CEP83: variants seen among roughly 807,000 people sequenced by gnomAD.
CEP83 encodes the protein centrosomal protein of 83 kDa.
In CEP83, 70 loss-of-function variants were observed where a neutral mutation model predicts 101.9. The observed-to-expected ratio is 0.69, with a 90% CI of 0.57 to 0.84. The LOEUF is 0.84. Among genes scored for constraint, CEP83 ranks in the 40% least tolerant of loss-of-function variants. The pLI is 0.00. For synonymous variants in CEP83, 264 were observed against 267.9 expected, an observed-to-expected ratio of 0.99 and a Z score of 0.14; for missense variants, 715 against 787.2, an observed-to-expected ratio of 0.91 and a Z score of 1.10.
At chr12:94,360,741 G>GAA (rs1052281119) in intron 11 of CEP83, among the ~76,000 whole-genome samples, 1 of 148,542 alleles carries the variant, frequency 6.7e-6, no homozygotes, top group Non-Finnish European at 1.5e-5. Flanking sequence ...CACAGAAATT[G>GAA]AAAAAAAAAA....
At chr12:94,317,471 A>G (rs955521697) in intron 14 of CEP83, among the ~76,000 whole-genome samples, 3 of 152,102 alleles carry the variant, frequency 2.0e-5, no homozygotes, top group African/African-American at 7.2e-5. Flanking sequence ...TGGCATCTTC[A>G]TCATGAAATC....
chr12:94,367,047 A>T (rs1593454248), intron 11 of CEP83, among the ~76,000 whole-genome samples: 2 of 152,178 alleles, frequency 1.3e-5, no homozygotes, highest in Non-Finnish European at 2.9e-5. Context: ...TACTTTCAGG[A>T]GAATTCCAAC....
intron 10 of CEP83, 24 bp from the exon 11 acceptor site, chr12:94,367,967 G>C (rs371664457): frequency 1.2e-6 from 2 of 1,608,136 alleles, no homozygotes; most frequent in African/African-American, 2.7e-5. Flanking sequence ...TCATAATTAT[G>C]TTACAAGAAC....
intron 11 of CEP83, among the ~76,000 whole-genome samples, chr12:94,336,348 G>A (rs2059447039): frequency 1.3e-5 from 2 of 152,158 alleles, no homozygotes; most frequent in Admixed American, 1.3e-4. Flanking sequence ...GGTTTGGCAG[G>A]ATAGGCCCTT....
chr12:94,421,257 C>T (rs1024734423), intron 2 of CEP83, among the ~76,000 whole-genome samples: 1 of 151,972 alleles, frequency 6.6e-6, no homozygotes, highest in Non-Finnish European at 1.5e-5. Flanking sequence ...CAAGGTCCCA[C>T]TATGTTGCCC....
chr12:94,343,551 G>A (rs1441050913), intron 11 of CEP83, among the ~76,000 whole-genome samples: 10 of 133,428 alleles, frequency 7.5e-5, no homozygotes, highest in South Asian at 2.5e-4. Flanking sequence ...CTGCAGTGGC[G>A]CAATCTCGGC....
chr12:94,304,599 C>A (rs910905320), downstream of CEP83, among the ~76,000 whole-genome samples: 4 of 152,096 alleles, frequency 2.6e-5, no homozygotes, highest in African/African-American at 7.2e-5. Flanking sequence ...CTGATTCCCC[C>A]CCAATCATGC....
At position 94,322,546 on chromosome 12, in the gene CEP83, C is replaced by G. The variant is rs116963565; in HGVS notation, c.1707+9154G>C. Among the ~76,000 whole-genome samples, 119 of 152,260 alleles carry G rather than the reference C, an allele frequency of 7.8e-4. 1 individual carries two copies. The East Asian group carries it at 0.022, about 28-fold the overall frequency. ...AGGCTGCAAAACAGCAAAGCTGGCA[C>G]CCTGCCCCTCTCTCTGGGAGAGCCA... On this transcript the variant is annotated intron_variant, in intron 14 of 16. Transcript: ENST00000397809.
At chr12:94,328,008 CAGTGTAT>C (rs1244155694) in intron 14 of CEP83, among the ~76,000 whole-genome samples, 1 of 152,184 alleles carries the variant, frequency 6.6e-6, no homozygotes, top group African/African-American at 2.4e-5. Context: ...TATTTCTCCC[CAGTGTAT>C]AGTGTAATCT....
At chr12:94,319,255 T>C (rs1444146939) in intron 14 of CEP83, among the ~76,000 whole-genome samples, 2 of 152,194 alleles carry the variant, frequency 1.3e-5, no homozygotes, top group Non-Finnish European at 2.9e-5. Flanking sequence ...AGTGGTAACA[T>C]CCCCTCTGTC....
At chr12:94,278,632 C>T in the CEP83 span, among the ~76,000 whole-genome samples, 1 of 152,250 alleles carries the variant, frequency 6.6e-6, no homozygotes, top group East Asian at 1.9e-4. Flanking sequence ...GCTGGGGAAA[C>T]CATCTGACTG....
In CEP83 at chr12:94,375,963, A is replaced by G; in HGVS notation, c.856T>C (p.Ser286Pro). The change falls in exon 8 of 17, where the codon TCA becomes CCA. Residue 286 changes from serine (S) to proline (P), a missense_variant. Physicochemically the swap from Ser to Pro is moderately conservative, Grantham distance 74. Coordinates refer to ENST00000397809, the MANE Select transcript of CEP83 (RefSeq NM_016122.3). ...RAERLEKELQ[S>P]SSEQNTFLIN... ...AAAAAGGTATTTTGTTCACTGCTTG[A>G]TTGTAGCTCTTTTTCCAAACGTTCT... 6.4e-7 allele frequency: 1 copy of G among 1,568,772 alleles called. No individual in the cohort carries two copies. The highest frequency in any genetic ancestry group is 8.7e-7 in the Non-Finnish European group (1 of 1,150,896).
intron 2 of CEP83, among the ~76,000 whole-genome samples, chr12:94,416,168 T>C (rs1032802381): frequency 7.9e-5 from 12 of 152,276 alleles, no homozygotes; most frequent in African/African-American, 2.9e-4. Context: ...TGATACTCCA[T>C]TTTAAAACTT....
At chr12:94,275,537 C>G in the CEP83 span, among the ~76,000 whole-genome samples, 1 of 152,184 alleles carries the variant, frequency 6.6e-6, no homozygotes, top group Non-Finnish European at 1.5e-5. Flanking sequence ...CCCCAAGGGC[C>G]TTGACTGTAC....
chr12:94,432,451 T>C (rs1055108356), intron 2 of CEP83, among the ~76,000 whole-genome samples: 4 of 152,120 alleles, frequency 2.6e-5, no homozygotes, highest in African/African-American at 7.2e-5. Context: ...TGTAGCAATA[T>C]GGATAAAGAT....
intron 8 of CEP83, among the ~76,000 whole-genome samples, chr12:94,372,224 G>A (rs2061339539): frequency 1.3e-5 from 2 of 151,926 alleles, no homozygotes; most frequent in South Asian, 2.1e-4. Flanking sequence ...CATCCGCCTC[G>A]GCCTTCCAAA....
intron 2 of CEP83, among the ~76,000 whole-genome samples, chr12:94,431,229 C>G (rs1238970853): frequency 6.6e-6 from 1 of 152,142 alleles, no homozygotes; most frequent in Non-Finnish European, 1.5e-5. Flanking sequence ...GCTGGGAAAA[C>G]TGAATATCCA....
the CEP83 span, chr12:94,280,196 C>T: frequency 4.6e-6 from 1 of 217,442 alleles, no homozygotes; most frequent in Non-Finnish European, 9.4e-6. Flanking sequence ...TCGGGCTCTA[C>T]TGGTATACTG....
intron 1 of CEP83, among the ~76,000 whole-genome samples, chr12:94,456,754 A>G (rs2067709303): frequency 6.6e-6 from 1 of 152,202 alleles, no homozygotes; most frequent in Non-Finnish European, 1.5e-5. Context: ...CATGGGGATT[A>G]TGGGGATTAT....
Sources: allele counts gnomAD v4.1 joint callset (sites outside exome capture counted in the v4.1 genomes callset), GRCh38; gene constraint gnomAD v4.1.1; transcripts MANE v1.5; gene names NCBI Gene and HGNC (gene_info 2026-07-23, HGNC 2026-07-21).